Variants in NALCN observed in about 807,000 individuals in gnomAD.
The protein encoded by NALCN is sodium leak channel NALCN.
Under a neutral mutation model 225.3 loss-of-function variants are expected in NALCN, and 111 were observed. The observed-to-expected ratio is 0.49, with a 90% CI of 0.42 to 0.58. The LOEUF is 0.58. NALCN is among the 20% of genes least tolerant of loss of function. The pLI is 0.00. For synonymous variants in NALCN, 764 were observed against 769.0 expected (o/e 0.99, Z 0.11); for missense variants, 1,378 against 2,202.4 (o/e 0.63, Z 7.49).
chr13:101,096,669 C>T (rs372866644), intron 27 of NALCN, among the ~76,000 whole-genome samples: 20 of 152,166 alleles, frequency 1.3e-4, no homozygotes, highest in East Asian at 7.7e-4. Flanking sequence ...TCTATGAATA[C>T]GCTAAAAAAC....
chr13:101,389,220 G>A (rs1284080179), intron 3 of NALCN, among the ~76,000 whole-genome samples: 1 of 152,144 alleles, frequency 6.6e-6, no homozygotes, highest in African/African-American at 2.4e-5. Context: ...CCATAAACCA[G>A]TAGATTTCCA....
chr13:101,160,036 C>A (rs892862451), intron 15 of NALCN, among the ~76,000 whole-genome samples: 1 of 152,086 alleles, frequency 6.6e-6, no homozygotes, highest in African/African-American at 2.4e-5. Flanking sequence ...CTCACTGCAA[C>A]CTCTGCCTCC....
At chr13:101,284,619 G>T (rs1193351495) in intron 9 of NALCN, among the ~76,000 whole-genome samples, 1 of 152,140 alleles carries the variant, frequency 6.6e-6, no homozygotes, top group Non-Finnish European at 1.5e-5. Flanking sequence ...AATACACTTT[G>T]TGTAATTATT....
At chr13:101,321,854 C>T (rs1022201942) in intron 7 of NALCN, among the ~76,000 whole-genome samples, 9 of 151,984 alleles carry the variant, frequency 5.9e-5, no homozygotes. Flanking sequence ...CTTGGAGATA[C>T]CGGAGAGAGG....
At chr13:101,267,191 T>C (rs1026150784) in intron 10 of NALCN, among the ~76,000 whole-genome samples, 4 of 152,204 alleles carry the variant, frequency 2.6e-5, no homozygotes, top group Non-Finnish European at 5.9e-5. Context: ...TAGCTTTCAC[T>C]CTACTCTGTA....
chr13:101,280,973 C>T (rs1351872669), intron 10 of NALCN, among the ~76,000 whole-genome samples: 13 of 151,630 alleles, frequency 8.6e-5, no homozygotes, highest in South Asian at 2.1e-4. Context: ...CTCCACCTCC[C>T]GGGTTCAAGT....
At chr13:101,235,947 C>A (rs939125366) in intron 12 of NALCN, among the ~76,000 whole-genome samples, 5 of 152,106 alleles carry the variant, frequency 3.3e-5, no homozygotes, top group Admixed American at 6.5e-5. Flanking sequence ...AGTTGCAATG[C>A]ATGTTCTTTT....
chr13:101,117,674 C>G (rs2035781518), intron 18 of NALCN, among the ~76,000 whole-genome samples: 1 of 152,108 alleles, frequency 6.6e-6, no homozygotes, highest in Non-Finnish European at 1.5e-5. Context: ...ATGTTTACAC[C>G]ATGTCTTTCC....
chr13:101,392,754 G>A (rs2047181705), intron 3 of NALCN, among the ~76,000 whole-genome samples: 1 of 152,054 alleles, frequency 6.6e-6, no homozygotes, highest in African/African-American at 2.4e-5. Context: ...ATGATCATAT[G>A]GAAGCATCAA....
rs749673703 is a variant in NALCN at position 101,107,601 on chromosome 13, T to C, written c.2465A>G (p.Gln822Arg). ...GTGGTTCTCTCTGAGTTCCTCTTCTTGCACTTTCCTTGAAGGAGAAATTCA... is the reference window on the plus strand; with the variant it reads ...GTGGTTCTCTCTGAGTTCCTCTTCTCGCACTTTCCTTGAAGGAGAAATTCA... ...KEQAEMKRKV[Q>R]EEELRENHPY... The change falls in exon 22 of 44, where the codon CAA (glutamine) becomes CGA (arginine). Residue 822 changes from glutamine to arginine, a missense_variant. Around this residue, in one of 19 missense-constraint regions of NALCN, gnomAD observed 292 missense variants for 409.5 expected, o/e 0.71. Coordinates refer to ENST00000251127, the MANE Select transcript of NALCN (RefSeq NM_052867.4). The C allele has an allele frequency of 1.2e-6, 2 of 1,614,094 alleles. No individual in the cohort carries two copies. The highest frequency in any genetic ancestry group is 8.5e-7 in the Non-Finnish European group (1 of 1,179,958).
Position 101,214,456 on chromosome 13 carries a change from T to C in NALCN, c.1626+14937A>G, listed in dbSNP as rs991950362. 3.9e-5 allele frequency among the ~76,000 whole-genome samples: 6 copies of C among 151,982 alleles called. No homozygotes were observed. The East Asian group carries it at 9.7e-4, about 25-fold the overall frequency. ...ACTTAAAGTATAATTTTTAAAAAAGTCTATCCATCTGAGAGTCCATGGAGT... is the reference window on the plus strand; with the variant it reads ...ACTTAAAGTATAATTTTTAAAAAAGCCTATCCATCTGAGAGTCCATGGAGT... On this transcript the variant is annotated intron_variant, in intron 13 of 43. Transcript: ENST00000251127.
intron 37 of NALCN, 49 bp from the exon 38 acceptor site, chr13:101,068,876 A>C: frequency 6.6e-7 from 1 of 1,516,192 alleles, no homozygotes; most frequent in Non-Finnish European, 8.8e-7. Flanking sequence ...TAGAGAATAC[A>C]AATTTCTTTT....
intron 10 of NALCN, among the ~76,000 whole-genome samples, chr13:101,260,477 C>T (rs1413492964): frequency 1.3e-5 from 2 of 152,154 alleles, no homozygotes; most frequent in African/African-American, 4.8e-5. Context: ...ACTAATTTAC[C>T]TTCCCACCAA....
chr13:101,344,902 T>C (rs914508632), intron 7 of NALCN, among the ~76,000 whole-genome samples: 1 of 152,212 alleles, frequency 6.6e-6, no homozygotes, highest in Admixed American at 6.6e-5. Context: ...TATTAGGGTA[T>C]AGTTACATAG....
At chr13:101,297,039 C>T (rs759097482) in intron 7 of NALCN, among the ~76,000 whole-genome samples, 37 of 152,138 alleles carry the variant, frequency 2.4e-4, no homozygotes, top group East Asian at 1.7e-3. Context: ...TTTTATTTAC[C>T]GCTTTGCCCT....
intron 17 of NALCN, among the ~76,000 whole-genome samples, chr13:101,127,906 T>TAA (rs1250361252): frequency 6.6e-6 from 1 of 151,934 alleles, no homozygotes; most frequent in African/African-American, 2.4e-5. Flanking sequence ...TAGACTGTGC[T>TAA]AAACATAAAG....
At chr13:101,140,715 G>A (rs16958467) in intron 17 of NALCN, among the ~76,000 whole-genome samples, 2,118 of 152,288 alleles carry the variant, frequency 0.014, 53 homozygotes, top group African/African-American at 0.047. Context: ...CCCATGCACA[G>A]TGTTGAGTGG....
At chr13:101,282,240 G>C (rs977196856) in intron 10 of NALCN, among the ~76,000 whole-genome samples, 1 of 152,066 alleles carries the variant, frequency 6.6e-6, no homozygotes, top group Non-Finnish European at 1.5e-5. Context: ...CAATGGTCAA[G>C]ACAGGGAACA....
At chr13:101,086,588 A>G (rs1316853223) in intron 30 of NALCN, among the ~76,000 whole-genome samples, 1 of 152,040 alleles carries the variant, frequency 6.6e-6, no homozygotes, top group Non-Finnish European at 1.5e-5. Flanking sequence ...AATAATGCAC[A>G]TTCTCAAATT....
Sources: gnomAD v4.1 joint callset for allele counts (sites outside exome capture counted in the v4.1 genomes callset) on GRCh38, gnomAD v4.1.1 for gene constraint, gnomAD v4.1.1 regional missense constraint, MANE v1.5 for transcripts, NCBI Gene and HGNC (gene_info 2026-07-23, HGNC 2026-07-21) for gene names.